WWP2: variants seen among roughly 807,000 people sequenced by gnomAD.
The protein encoded by WWP2 is NEDD4-like E3 ubiquitin-protein ligase WWP2.
In WWP2, 57 loss-of-function variants were observed where a neutral mutation model predicts 121.0. The ratio of observed to expected loss-of-function variants is 0.47; its 90% CI spans 0.38 to 0.59. The LOEUF is 0.59. Among genes scored for constraint, WWP2 ranks in the 20% least tolerant of loss-of-function variants. The pLI, the probability that WWP2 is intolerant of heterozygous loss-of-function variation, is 0.00. For missense variants in WWP2, 962 were observed against 1,158.9 expected (o/e 0.83, Z 2.47); for synonymous variants, 449 against 441.3 (o/e 1.02, Z -0.22).
At chr16:69,897,439 C>G (rs1689415761) in intron 8 of WWP2, among the ~76,000 whole-genome samples, 1 of 152,014 alleles carries the variant, frequency 6.6e-6, no homozygotes, top group African/African-American at 2.4e-5. Flanking sequence ...TCTTTTTAAC[C>G]CCTTGATGTA....
chr16:69,930,035 G>A (rs2058690253), intron 12 of WWP2, 95 bp from the exon 13 acceptor site: 1 of 1,577,526 alleles, frequency 6.3e-7, no homozygotes, highest in South Asian at 1.1e-5. Context: ...CATGGGCTCT[G>A]CAGAGACAAA....
chr16:69,902,992 A>G (rs1027623967), intron 8 of WWP2, among the ~76,000 whole-genome samples: 1 of 152,206 alleles, frequency 6.6e-6, no homozygotes, highest in Admixed American at 6.5e-5. Flanking sequence ...GGGACATTTA[A>G]TCTGAGCAGG....
At chr16:69,832,267 C>T (rs902584121) in intron 4 of WWP2, among the ~76,000 whole-genome samples, 4 of 152,142 alleles carry the variant, frequency 2.6e-5, no homozygotes, top group South Asian at 2.1e-4. Context: ...TGCCATTACC[C>T]AGTTCAGTAG....
At chr16:69,797,708 G>A (rs907511663) in intron 2 of WWP2, among the ~76,000 whole-genome samples, 2 of 151,950 alleles carry the variant, frequency 1.3e-5, no homozygotes, top group Non-Finnish European at 2.9e-5. Flanking sequence ...GGCCAACATG[G>A]TGAAACCCTG....
intron 4 of WWP2, among the ~76,000 whole-genome samples, chr16:69,809,790 CAG>C (rs139573012): frequency 9.8e-4 from 135 of 137,136 alleles, no homozygotes; most frequent in Non-Finnish European, 9.4e-4. Context: ...GAGAGAGAGA[CAG>C]AGAGAGAGAG....
Position 69,899,550 on chromosome 16 carries a change from T to A in WWP2, c.915-9211T>A, listed in dbSNP as rs1437810061. On this transcript the variant is annotated intron_variant, in intron 8 of 23. Transcript: ENST00000359154. ...TTCAAGACCAGCCTAGCCAAGATGG[T>A]GAAACCCTGTCTCTACTAAAAATAC... 2.6e-5 allele frequency among the ~76,000 whole-genome samples: 4 copies of A among 152,110 alleles called. No homozygotes were observed. The East Asian group carries it at 7.7e-4, about 29-fold the overall frequency.
At chr16:69,765,708 C>T (rs1188719198) in intron 1 of WWP2, among the ~76,000 whole-genome samples, 1 of 152,134 alleles carries the variant, frequency 6.6e-6, no homozygotes, top group African/African-American at 2.4e-5. Context: ...TGTCTAATTC[C>T]AGCTACTCGG....
intron 13 of WWP2, 39 bp downstream of exon 13, chr16:69,930,297 G>C: frequency 6.2e-7 from 1 of 1,607,368 alleles, no homozygotes; most frequent in Non-Finnish European, 8.5e-7. Flanking sequence ...GTCAGGAGCC[G>C]AGGCCCAGGC....
Position 69,941,607 on chromosome 16 carries a change from G to A in WWP2, c.*1667G>A, listed in dbSNP as rs912868160. Reference sequence around the variant, plus strand: ...CATGTGTGTTCGTGCGTGTGTGTGCGTACGTGTATATAACTGAAGTGTCTG... The same window carrying A: ...CATGTGTGTTCGTGCGTGTGTGTGCATACGTGTATATAACTGAAGTGTCTG... On this transcript the variant is annotated 3_prime_UTR_variant, in exon 24 of 24. Coordinates refer to ENST00000359154, the MANE Select transcript of WWP2 (RefSeq NM_001270454.2). The A allele has an allele frequency of 2.6e-5, 4 of 153,830 alleles. No homozygotes were observed. The highest frequency in any genetic ancestry group is 6.5e-5 in the Admixed American group (1 of 15,288). The allele number at this position is 153,830 out of a possible 1,614,324, so 9.5% of individuals were successfully genotyped here.
intron 9 of WWP2, among the ~76,000 whole-genome samples, chr16:69,916,675 A>T (rs1344095251): frequency 6.6e-6 from 1 of 151,980 alleles, no homozygotes; most frequent in East Asian, 1.9e-4. Flanking sequence ...CTGGGAGGAG[A>T]ATTGACATGA....
intron 7 of WWP2, among the ~76,000 whole-genome samples, chr16:69,884,684 G>C (rs2057892356): frequency 6.6e-6 from 1 of 152,192 alleles, no homozygotes; most frequent in African/African-American, 2.4e-5. Flanking sequence ...TTTGAATCCA[G>C]TGCCTCATAA....
At position 69,885,891 on chromosome 16, in the gene WWP2, A is replaced by G. The variant is rs1241523132; in HGVS notation, c.704-2148A>G. 3.3e-5 allele frequency among the ~76,000 whole-genome samples: 5 copies of G among 152,294 alleles called. No homozygotes were observed. The East Asian group carries it at 7.7e-4, about 23-fold the overall frequency. On this transcript the variant is annotated intron_variant, in intron 7 of 23. Coordinates refer to ENST00000359154, the MANE Select transcript of WWP2 (RefSeq NM_001270454.2). ...ATGTTACCTGGTATTTAAGTTGGTA[A>G]TCTGACTCTGCTGGCCTCATGGTAT...
chr16:69,822,243 T>C (rs923427773), intron 4 of WWP2, among the ~76,000 whole-genome samples: 1 of 152,116 alleles, frequency 6.6e-6, no homozygotes, highest in African/African-American at 2.4e-5. Flanking sequence ...TTCTTTCTTC[T>C]CTGTAGGGCA....
At chr16:69,801,199 C>G (rs1367111799) in intron 4 of WWP2, among the ~76,000 whole-genome samples, 1 of 136,986 alleles carries the variant, frequency 7.3e-6, no homozygotes, top group African/African-American at 2.6e-5. Context: ...AAAAAAAAAG[C>G]AATTTTACTT....
At chr16:69,898,027 CTT>C (rs369977148) in intron 8 of WWP2, among the ~76,000 whole-genome samples, 2,700 of 128,066 alleles carry the variant, frequency 0.021, 53 homozygotes, top group African/African-American at 0.064. Flanking sequence ...TTCTTTCTTT[CTT>C]TTTTTTTTTT....
intron 8 of WWP2, among the ~76,000 whole-genome samples, chr16:69,906,197 C>G (rs1460433802): frequency 6.6e-6 from 1 of 152,086 alleles, no homozygotes; most frequent in Non-Finnish European, 1.5e-5. Flanking sequence ...CTCAGCCTCC[C>G]AAGTAGCTGG....
chr16:69,923,149 C>T (rs2058586981), intron 10 of WWP2, among the ~76,000 whole-genome samples: 1 of 152,126 alleles, frequency 6.6e-6, no homozygotes. Flanking sequence ...CTCAGACTCC[C>T]AAAGTGCTGG....
intron 4 of WWP2, chr16:69,828,000 C>T: frequency 2.3e-6 from 1 of 436,916 alleles, no homozygotes; most frequent in South Asian, 1.6e-5. Context: ...CCCGAGACTC[C>T]TTCTGGGGTA....
chr16:69,846,049 C>CAAAAAAAAAAAA lies in WWP2; in HGVS notation c.575+3939_575+3950dup, dbSNP rs57201672. On this transcript the variant is annotated intron_variant, in intron 6 of 23. Coordinates refer to ENST00000359154, the MANE Select transcript of WWP2 (RefSeq NM_001270454.2). ...TGGGTGACAGAGCCAGACTCCATCTCAAAAAAAAAAAAAAAAAAAAAGAAT... is the reference window on the plus strand; with the variant it reads ...TGGGTGACAGAGCCAGACTCCATCTCAAAAAAAAAAAAAAAAAAAAAAAAAAAAAAAAAGAAT... Among the ~76,000 whole-genome samples, 117 of 45,572 alleles carry CAAAAAAAAAAAA rather than the reference C, an allele frequency of 2.6e-3. 13 individuals are homozygous for CAAAAAAAAAAAA. The highest frequency in any genetic ancestry group is 0.038 in the Middle Eastern group (2 of 52). The allele number at this position is 45,572 out of a possible 152,430, so 29.9% of individuals were successfully genotyped here. A position where few individuals can be genotyped will look rare whatever the true frequency, so the allele number is the denominator to read the frequency against.
Sources: gnomAD v4.1 joint callset for allele counts (sites outside exome capture counted in the v4.1 genomes callset) on GRCh38, gnomAD v4.1.1 for gene constraint, MANE v1.5 for transcripts, NCBI Gene and HGNC (gene_info 2026-07-23, HGNC 2026-07-21) for gene names.